ART3: variants seen among roughly 807,000 people sequenced by gnomAD.
ART3 encodes the protein ecto-ADP-ribosyltransferase 3.
In ART3, 49 loss-of-function variants were observed where a neutral mutation model predicts 48.5. That is an observed-to-expected ratio of 1.01 (90% CI 0.80 to 1.28). The LOEUF (loss-of-function observed/expected upper bound fraction) is 1.28, where lower values mean the gene tolerates loss of function less well. ART3 is among the 50% of genes most tolerant of loss of function. The pLI is 0.00. For missense variants in ART3, 438 were observed against 454.3 expected, an observed-to-expected ratio of 0.96 and a Z score of 0.33; for synonymous variants, 145 against 157.2, an observed-to-expected ratio of 0.92 and a Z score of 0.58.
intron 1 of ART3, chr4:76,022,246 C>T (rs984766020): frequency 1.9e-5 from 15 of 792,600 alleles, no homozygotes; most frequent in East Asian, 7.5e-5. Context: ...TAGGGGAGGG[C>T]GTGGTGGTAA....
chr4:76,097,802 T>C lies in ART3; in HGVS notation c.814+126T>C, dbSNP rs1447577857. 5.1e-6 allele frequency: 4 copies of C among 785,008 alleles called. No individual in the cohort carries two copies. The East Asian group carries it at 7.5e-5, about 15-fold the overall frequency. The allele number at this position is 785,008 out of a possible 1,614,324, so 48.6% of individuals were successfully genotyped here. A position where few individuals can be genotyped will look rare whatever the true frequency, so the allele number is the denominator to read the frequency against. On this transcript the variant is annotated intron_variant, in intron 4 of 11. Transcript: ENST00000355810. ...CAAACATCATTTTCTCAAGGCTAAA[T>C]TGTGCTACTACTGCTAGTACCTTTT...
chr4:76,036,809 G>A, intron 1 of ART3: 2 of 250,986 alleles, frequency 8.0e-6, no homozygotes, highest in South Asian at 6.2e-5. Context: ...AGCTCCTCCT[G>A]CCTTCTCTTG....
intron 2 of ART3, among the ~76,000 whole-genome samples, chr4:76,077,221 C>T (rs1433104337): frequency 6.6e-6 from 1 of 152,170 alleles, no homozygotes; most frequent in African/African-American, 2.4e-5. Context: ...CCACTGTCTA[C>T]TTTCTGTGTC....
intron 11 of ART3, among the ~76,000 whole-genome samples, chr4:76,108,844 G>A (rs962186045): frequency 3.3e-5 from 5 of 152,154 alleles, no homozygotes; most frequent in Non-Finnish European, 5.9e-5. Context: ...AGTACTGTAG[G>A]CAGCGGTAAC....
intron 11 of ART3, among the ~76,000 whole-genome samples, chr4:76,111,653 C>T (rs1729504211): frequency 1.3e-5 from 2 of 152,148 alleles, no homozygotes; most frequent in African/African-American, 2.4e-5. Flanking sequence ...CACCATTCTC[C>T]TGCCTCAGCC....
At chr4:76,071,389 G>A (rs1017485014), upstream of ART3, among the ~76,000 whole-genome samples, 3 of 151,622 alleles carry the variant, frequency 2.0e-5, no homozygotes, top group Admixed American at 6.6e-5. Flanking sequence ...AAAAATTCTT[G>A]GACTCTCTTC....
At chr4:76,061,141 T>TGGG (rs753410964) in intron 1 of ART3, among the ~76,000 whole-genome samples, 2 of 152,216 alleles carry the variant, frequency 1.3e-5, no homozygotes, top group Non-Finnish European at 2.9e-5. Context: ...TCTCAGATCT[T>TGGG]TCTCTGAACT....
At position 76,100,271 on chromosome 4, in the gene ART3, ACTT is replaced by A. The variant is rs1278116389; in HGVS notation, c.848-16_848-14del. On this transcript the variant is annotated splice_polypyrimidine_tract_variant and intron_variant, in intron 5 of 11. Transcript: ENST00000355810. ...TTTGTTCCATTGTTAAAACTGATGA[ACTT>A]CTTTTCTGTGACTCAGGTGAGAAAA... is the stretch of plus-strand genomic sequence containing the variant. 6.2e-7 allele frequency: 1 copy of A among 1,609,860 alleles called. No homozygotes were observed. The highest frequency in any genetic ancestry group is 8.5e-7 in the Non-Finnish European group (1 of 1,177,434).
rs1183915607 is a variant in ART3 at position 76,112,471 on chromosome 4, C to T, written c.1122C>T (p.Val374=). Residue 374 remains valine, a synonymous_variant, in exon 12 of 12, where the codon GTC becomes GTT. Transcript: ENST00000355810. ...TGCTGCTTCCACAGTTTGGGATGGT[C>T]ATCATTTTAATCAGTGTTTCTGCTA... ...GKLLLPQFGM[V]IILISVSAIN... is the part of the protein sequence containing the mutation. The T allele has an allele frequency of 1.2e-6, 2 of 1,613,462 alleles. No individual in the cohort carries two copies. The highest frequency in any genetic ancestry group is 1.7e-6 in the Non-Finnish European group (2 of 1,179,548).
At chr4:76,077,620 A>C (rs908720668) in intron 2 of ART3, among the ~76,000 whole-genome samples, 1 of 152,194 alleles carries the variant, frequency 6.6e-6, no homozygotes, top group African/African-American at 2.4e-5. Flanking sequence ...ATATATAGGA[A>C]ATATATATGT....
At position 76,020,071 on chromosome 4, in the gene ART3, T is replaced by C. The variant is rs536982072; in HGVS notation, c.-10+8751T>C. On this transcript the variant is annotated intron_variant, in intron 1 of 9. Transcript: ENST00000341029. The stretch of plus-strand genomic sequence containing the variant: ...TTGAACATCTTTGTATGTTAGGGGC[T>C]TATGCTTCTTACTTCTGTGAAATTC... Among the ~76,000 whole-genome samples the C allele has an allele frequency of 5.1e-4, 78 of 152,270 alleles. 1 individual carries two copies. The highest frequency in any genetic ancestry group is 7.4e-4 in the Non-Finnish European group (50 of 68,016).
At chr4:76,052,332 G>C (rs1290563819) in intron 1 of ART3, among the ~76,000 whole-genome samples, 1 of 152,156 alleles carries the variant, frequency 6.6e-6, no homozygotes, top group Non-Finnish European at 1.5e-5. Flanking sequence ...CTTGATATGT[G>C]CTACCCCAAA....
intron 1 of ART3, among the ~76,000 whole-genome samples, chr4:76,069,386 C>CTTTTTTTTTTT: frequency 9.1e-6 from 1 of 110,162 alleles, no homozygotes; most frequent in Non-Finnish European, 1.8e-5. Flanking sequence ...TACTTAATTC[C>CTTTTTTTTTTT]TTTTTTTTTT....
At chr4:76,014,637 GA>G (rs140989439) in intron 1 of ART3, among the ~76,000 whole-genome samples, 1,636 of 152,262 alleles carry the variant, frequency 0.011, 29 homozygotes, top group African/African-American at 0.038. Context: ...ACTATTCACA[GA>G]AGTAATGACT....
At chr4:76,043,117 G>A (rs1578291334) in intron 1 of ART3, among the ~76,000 whole-genome samples, 2 of 152,050 alleles carry the variant, frequency 1.3e-5, no homozygotes, top group East Asian at 3.9e-4. Context: ...GCTGACTGGT[G>A]TATTTACAAA....
Position 76,054,732 on chromosome 4 carries a change from G to A in ART3, c.-9-21149G>A, listed in dbSNP as rs145800085. Among the ~76,000 whole-genome samples, 9 of 152,234 alleles carry A rather than the reference G, an allele frequency of 5.9e-5. No individual in the cohort carries two copies. In the East Asian group the frequency reaches 1.5e-3, roughly 26 times the overall value. The stretch of plus-strand genomic sequence containing the variant: ...ACCTGTAATCCCACCTATTTGGGAG[G>A]CTGAGGCTGGAGGATCACTTGAGCC... On this transcript the variant is annotated intron_variant, in intron 1 of 9. Coordinates refer to the ART3 transcript ENST00000341029.
chr4:76,106,208 T>C, intron 10 of ART3: 1 of 985,458 alleles, frequency 1.0e-6, no homozygotes, highest in Non-Finnish European at 1.2e-6. Flanking sequence ...GCTACACTTG[T>C]CTTCCAAACA....
At chr4:76,083,188 C>T (rs1403925526) in intron 3 of ART3, among the ~76,000 whole-genome samples, 2 of 152,066 alleles carry the variant, frequency 1.3e-5, no homozygotes, top group Non-Finnish European at 2.9e-5. Flanking sequence ...CAGAGCAAGA[C>T]CCTGTCTCAA....
At chr4:76,096,210 C>T (rs1725981589) in intron 3 of ART3, among the ~76,000 whole-genome samples, 2 of 152,200 alleles carry the variant, frequency 1.3e-5, no homozygotes, top group Non-Finnish European at 2.9e-5. Flanking sequence ...AGGTGTGAGC[C>T]ACCATACCCT....
Sources: gnomAD v4.1 joint callset for allele counts (sites outside exome capture counted in the v4.1 genomes callset) on GRCh38, gnomAD v4.1.1 for gene constraint, MANE v1.5 for transcripts, NCBI Gene and HGNC (gene_info 2026-07-23, HGNC 2026-07-21) for gene names.